The following PBX3 variants were observed in gnomAD, a reference collection of about 807,000 sequenced individuals.
PBX3 encodes the protein PBX homeobox 3.
In PBX3, 14 loss-of-function variants were observed where a neutral mutation model predicts 48.5. The observed-to-expected ratio is 0.29, with a 90% CI of 0.19 to 0.45. The LOEUF (loss-of-function observed/expected upper bound fraction) is 0.45. Among genes scored for constraint, PBX3 ranks in the 20% least tolerant of loss-of-function variants. The pLI is 1.00. For missense variants in PBX3, 386 were observed against 546.7 expected (o/e 0.71, Z 2.93); for synonymous variants, 210 against 200.3 (o/e 1.05, Z -0.41).
intron 2 of PBX3, among the ~76,000 whole-genome samples, chr9:125,773,942 T>C (rs1213659242): frequency 6.6e-6 from 1 of 152,216 alleles, no homozygotes; most frequent in Non-Finnish European, 1.5e-5. Flanking sequence ...CAACCACCAC[T>C]TCTTTCTAGT....
intron 6 of PBX3, among the ~76,000 whole-genome samples, chr9:125,961,677 G>A (rs1262614577): frequency 1.3e-5 from 2 of 152,092 alleles, no homozygotes; most frequent in African/African-American, 4.8e-5. Flanking sequence ...GGAGGTATAT[G>A]CATAGCGAAG....
chr9:125,799,380 G>T (rs1010217365), intron 2 of PBX3, among the ~76,000 whole-genome samples: 1 of 152,078 alleles, frequency 6.6e-6, no homozygotes, highest in African/African-American at 2.4e-5. Flanking sequence ...TGGCGTGCAC[G>T]CTGTAGTCCC....
At chr9:125,921,390 A>G (rs1470992025) in intron 3 of PBX3, among the ~76,000 whole-genome samples, 5 of 152,170 alleles carry the variant, frequency 3.3e-5, no homozygotes, top group Admixed American at 6.5e-5. Context: ...AGGCAGAACT[A>G]TATTAGATAA....
At chr9:125,821,670 A>C (rs1464192051) in intron 2 of PBX3, among the ~76,000 whole-genome samples, 1 of 152,136 alleles carries the variant, frequency 6.6e-6, no homozygotes, top group Non-Finnish European at 1.5e-5. Flanking sequence ...GTTTCATTTT[A>C]TCACCAATTG....
chr9:125,899,287 ATT>A lies in PBX3; in HGVS notation c.275-16397_275-16396del, dbSNP rs1188843255. 1.3e-4 allele frequency among the ~76,000 whole-genome samples: 15 copies of A among 118,958 alleles called. No individual in the cohort carries two copies. The East Asian group carries it at 2.3e-3, about 18-fold the overall frequency. The allele number at this position is 118,958 out of a possible 152,430, so 78.0% of individuals were successfully genotyped here. On this transcript the variant is annotated intron_variant, in intron 2 of 8. Coordinates refer to ENST00000373489, the MANE Select transcript of PBX3 (RefSeq NM_006195.6). ...TATATAAATATACATATGTATATAT[ATT>A]TATATATAAATATACATATATGTAT...
At chr9:125,948,841 A>C (rs1411312881) in intron 5 of PBX3, among the ~76,000 whole-genome samples, 1 of 152,118 alleles carries the variant, frequency 6.6e-6, no homozygotes, top group Non-Finnish European at 1.5e-5. Flanking sequence ...CTGAAAATTC[A>C]ATTCAATCTC....
chr9:125,938,598 C>T (rs1841889505), intron 5 of PBX3, among the ~76,000 whole-genome samples: 1 of 152,118 alleles, frequency 6.6e-6, no homozygotes, highest in South Asian at 2.1e-4. Context: ...TAACCTGAGT[C>T]TAATCACAAG....
At chr9:125,856,577 A>G (rs1307560222) in intron 2 of PBX3, among the ~76,000 whole-genome samples, 1 of 152,152 alleles carries the variant, frequency 6.6e-6, no homozygotes, top group Non-Finnish European at 1.5e-5. Context: ...TTGGATTGAC[A>G]ACTGCTAGAC....
chr9:125,939,071 A>G (rs1564182676), intron 5 of PBX3, among the ~76,000 whole-genome samples: 1 of 152,144 alleles, frequency 6.6e-6, no homozygotes, highest in Non-Finnish European at 1.5e-5. Context: ...AAATAATAAT[A>G]GGGGAAGGGC....
chr9:125,763,194 A>G (rs926986621), intron 2 of PBX3, among the ~76,000 whole-genome samples: 5 of 152,234 alleles, frequency 3.3e-5, no homozygotes, highest in African/African-American at 1.2e-4. Context: ...TTTCTTTGAA[A>G]TGCCCTTTGT....
chr9:125,751,427 G>C (rs1024832287), intron 2 of PBX3, among the ~76,000 whole-genome samples: 2 of 152,170 alleles, frequency 1.3e-5, no homozygotes, highest in Non-Finnish European at 2.9e-5. Flanking sequence ...GAAAACATCT[G>C]TTTCCCCCTC....
At chr9:125,939,010 TACAC>T (rs199999857) in intron 5 of PBX3, among the ~76,000 whole-genome samples, 37 of 150,382 alleles carry the variant, frequency 2.5e-4, no homozygotes, top group South Asian at 1.0e-3. Context: ...TAAACACACA[TACAC>T]ACACACACAC....
intron 3 of PBX3, among the ~76,000 whole-genome samples, chr9:125,926,384 G>A (rs1454791734): frequency 2.6e-5 from 4 of 151,954 alleles, no homozygotes; most frequent in Non-Finnish European, 5.9e-5. Context: ...GCTGGGCGCA[G>A]TGGCATATGC....
chr9:125,946,888 A>T (rs1420088207), intron 5 of PBX3, among the ~76,000 whole-genome samples: 3 of 152,204 alleles, frequency 2.0e-5, no homozygotes, highest in Non-Finnish European at 4.4e-5. Flanking sequence ...AAACAGAATA[A>T]ATAAATAGGA....
chr9:125,839,901 T>C (rs1209300021), intron 2 of PBX3, among the ~76,000 whole-genome samples: 2 of 152,188 alleles, frequency 1.3e-5, no homozygotes, highest in Admixed American at 1.3e-4. Context: ...TGAAGTATTT[T>C]GCTCTCTTAA....
chr9:125,795,705 G>T (rs568215946), intron 2 of PBX3, among the ~76,000 whole-genome samples: 109 of 152,194 alleles, frequency 7.2e-4, no homozygotes, highest in African/African-American at 2.6e-3. Context: ...AAGACCATGG[G>T]CCATTAACAC....
chr9:125,757,486 ATGT>A (rs1338750931), intron 2 of PBX3, among the ~76,000 whole-genome samples: 1 of 152,148 alleles, frequency 6.6e-6, no homozygotes, highest in Non-Finnish European at 1.5e-5. Context: ...ATTATTTATA[ATGT>A]TGATTGGGAC....
At chr9:125,869,182 T>A (rs948246448) in intron 2 of PBX3, among the ~76,000 whole-genome samples, 1 of 152,092 alleles carries the variant, frequency 6.6e-6, no homozygotes. Flanking sequence ...TAGAAATGGC[T>A]TAAGATGAGA....
chr9:125,907,860 G>A (rs915701709), intron 2 of PBX3, among the ~76,000 whole-genome samples: 1 of 152,012 alleles, frequency 6.6e-6, no homozygotes, highest in Non-Finnish European at 1.5e-5. Context: ...GTGATCTTGG[G>A]CTCTAAAGTC....
Sources: gnomAD v4.1 joint callset for allele counts (sites outside exome capture counted in the v4.1 genomes callset) on GRCh38, gnomAD v4.1.1 for gene constraint, MANE v1.5 for transcripts, NCBI Gene and HGNC (gene_info 2026-07-23, HGNC 2026-07-21) for gene names.